TCF12: variants seen among roughly 807,000 people sequenced by gnomAD.
TCF12 encodes DNA-binding protein HTF4.
TCF12 carries 45 observed loss-of-function variants against 86.0 expected under a neutral mutation model. The ratio of observed to expected loss-of-function variants is 0.52; its 90% CI spans 0.41 to 0.67. TCF12 has a LOEUF of 0.67. Among genes scored for constraint, TCF12 ranks in the 30% least tolerant of loss-of-function variants. The pLI, the probability that TCF12 is intolerant of heterozygous loss-of-function variation, is 0.00. For missense variants in TCF12, 881 were observed against 859.9 expected (o/e 1.02, Z -0.31); for synonymous variants, 330 against 299.6 (o/e 1.10, Z -1.05).
At chr15:57,105,941 G>C (rs2050106919) in intron 5 of TCF12, among the ~76,000 whole-genome samples, 1 of 152,168 alleles carries the variant, frequency 6.6e-6, no homozygotes. Flanking sequence ...TGTCAGCATA[G>C]GGATAAAAAG....
chr15:57,031,529 A>T (rs2066186746), intron 3 of TCF12, among the ~76,000 whole-genome samples: 1 of 152,226 alleles, frequency 6.6e-6, no homozygotes, highest in African/African-American at 2.4e-5. Context: ...TTAAAAGAGG[A>T]TAATATTCTC....
chr15:57,208,138 A>C (rs2057925546), intron 8 of TCF12, among the ~76,000 whole-genome samples: 1 of 151,608 alleles, frequency 6.6e-6, no homozygotes. Flanking sequence ...GGTTCAAGCA[A>C]ATCTCTGCCT....
chr15:57,184,563 C>T (rs1008590247), intron 6 of TCF12, among the ~76,000 whole-genome samples: 7 of 152,094 alleles, frequency 4.6e-5, no homozygotes, highest in African/African-American at 1.7e-4. Context: ...CAAAACATAT[C>T]AATGAAAGTC....
intron 5 of TCF12, among the ~76,000 whole-genome samples, chr15:57,110,244 AAAT>A (rs2050396857): frequency 6.6e-6 from 1 of 152,220 alleles, no homozygotes; most frequent in African/African-American, 2.4e-5. Context: ...GGTAGGCTAA[AAAT>A]AATATTTGTT....
chr15:57,188,715 G>A (rs1235539556), intron 6 of TCF12, among the ~76,000 whole-genome samples: 1 of 152,164 alleles, frequency 6.6e-6, no homozygotes, highest in African/African-American at 2.4e-5. Flanking sequence ...CAATATATGG[G>A]ACTGGGATAA....
rs374824749 is a variant in TCF12 at position 57,279,380 on chromosome 15, A to T, written c.1979-3065A>T. On this transcript the variant is annotated intron_variant, in intron 19 of 20. Transcript: ENST00000333725. ...CAAGTCCTCAACTACATAAGAAGTC[A>T]ATAGATAGAATTCCCCTAATTGAAA... 3.0e-3 allele frequency among the ~76,000 whole-genome samples: 463 copies of T among 152,326 alleles called. 3 individuals are homozygous for T. The highest frequency in any genetic ancestry group is 0.011 in the African/African-American group (444 of 41,578).
chr15:57,023,002 CTCTTT>C (rs1467559624), intron 3 of TCF12, among the ~76,000 whole-genome samples: 1 of 152,122 alleles, frequency 6.6e-6, no homozygotes. Context: ...GGTTTTCCTT[CTCTTT>C]TAAGTGCATT....
chr15:57,153,956 T>C lies in TCF12; in HGVS notation c.326-12446T>C, dbSNP rs747911566. On this transcript the variant is annotated intron_variant, in intron 5 of 20. Transcript: ENST00000333725. ...GTTGCAGTGAGCTGTGATCACGCCA[T>C]TGCATTCCACCCTGGGTGACAGAAG... Among the ~76,000 whole-genome samples the C allele has an allele frequency of 1.7e-4, 26 of 150,954 alleles. 1 individual carries two copies. Among genetic ancestry groups the C allele is most frequent in the Admixed American group, 7.3e-4 (11 of 15,170 alleles).
At chr15:57,067,525 C>G (rs1337932107) in intron 4 of TCF12, among the ~76,000 whole-genome samples, 38 of 106,428 alleles carry the variant, frequency 3.6e-4, no homozygotes, top group African/African-American at 1.4e-3. Flanking sequence ...GGCGACAGAG[C>G]GAGACTCCGT....
chr15:57,086,579 T>G (rs2048643832), intron 4 of TCF12, among the ~76,000 whole-genome samples: 1 of 151,922 alleles, frequency 6.6e-6, no homozygotes, highest in African/African-American at 2.4e-5. Context: ...GTAGGAGCCG[T>G]GCAATGATGG....
intron 3 of TCF12, among the ~76,000 whole-genome samples, chr15:56,935,869 A>T (rs1171326494): frequency 6.6e-6 from 1 of 152,134 alleles, no homozygotes; most frequent in Non-Finnish European, 1.5e-5. Context: ...TATCATGTAT[A>T]TATATACAGT....
At chr15:57,145,090 C>T (rs2053262810) in intron 5 of TCF12, among the ~76,000 whole-genome samples, 1 of 152,098 alleles carries the variant, frequency 6.6e-6, no homozygotes, top group African/African-American at 2.4e-5. Flanking sequence ...AAGAACATCC[C>T]TTATTTAAGA....
chr15:56,963,201 A>G (rs1222792957), intron 3 of TCF12, among the ~76,000 whole-genome samples: 1 of 152,010 alleles, frequency 6.6e-6, no homozygotes, highest in Non-Finnish European at 1.5e-5. Context: ...TTGAAGACTA[A>G]TTGAGCATAC....
chr15:57,016,343 T>G (rs1256122246), intron 3 of TCF12, among the ~76,000 whole-genome samples: 1 of 152,192 alleles, frequency 6.6e-6, no homozygotes, highest in African/African-American at 2.4e-5. Flanking sequence ...GGATTAATGC[T>G]TTAGTTTAAG....
chr15:57,120,944 G>A (rs2051186035), intron 5 of TCF12, among the ~76,000 whole-genome samples: 1 of 152,110 alleles, frequency 6.6e-6, no homozygotes, highest in South Asian at 2.1e-4. Flanking sequence ...TTGCACCTCT[G>A]CACTCTAGCC....
intron 4 of TCF12, among the ~76,000 whole-genome samples, chr15:57,079,169 A>G (rs1460575072): frequency 6.6e-6 from 1 of 152,236 alleles, no homozygotes; most frequent in Non-Finnish European, 1.5e-5. Context: ...AATTACATGT[A>G]TTAGCTGAAA....
At position 57,204,456 on chromosome 15, in the gene TCF12, C is replaced by CA. The variant is rs201426867; in HGVS notation, c.579+6640dup. 6.6e-3 allele frequency among the ~76,000 whole-genome samples: 965 copies of CA among 147,140 alleles called. 5 individuals carry two copies. Among genetic ancestry groups the CA allele is most frequent in the Admixed American group, 0.01 (149 of 14,756 alleles). On this transcript the variant is annotated intron_variant, in intron 8 of 20. Coordinates refer to ENST00000333725, the MANE Select transcript of TCF12 (RefSeq NM_207037.2). ...GGGTGACAGAGCCAAGACTCTGTCT[C>CA]AAAAAAAAAGAAAAAGAAAAGAGGT... is the stretch of plus-strand genomic sequence containing the variant.
chr15:57,074,193 G>A (rs1187578503), intron 4 of TCF12, among the ~76,000 whole-genome samples: 1 of 152,166 alleles, frequency 6.6e-6, no homozygotes, highest in Non-Finnish European at 1.5e-5. Flanking sequence ...CCTTGGACAA[G>A]AGAGTTAATT....
chr15:57,148,101 G>A (rs944644570), intron 5 of TCF12, among the ~76,000 whole-genome samples: 1 of 151,812 alleles, frequency 6.6e-6, no homozygotes, highest in African/African-American at 2.4e-5. Flanking sequence ...CCAGGCTGGT[G>A]TCAAACTCCT....
Sources: gnomAD v4.1 joint callset for allele counts (sites outside exome capture counted in the v4.1 genomes callset) on GRCh38, gnomAD v4.1.1 for gene constraint, MANE v1.5 for transcripts, NCBI Gene and HGNC (gene_info 2026-07-23, HGNC 2026-07-21) for gene names.